Variants in RAPGEF5 observed in about 807,000 individuals in gnomAD.
RAPGEF5 encodes the protein Rap guanine nucleotide exchange factor 5.
RAPGEF5 carries 65 observed loss-of-function variants against 125.2 expected under a neutral mutation model. The ratio of observed to expected loss-of-function variants is 0.52; its 90% CI spans 0.43 to 0.64. The LOEUF (loss-of-function observed/expected upper bound fraction) is 0.64, where lower values mean the gene tolerates loss of function less well. Ranked by LOEUF, RAPGEF5 falls within the 30% of genes least tolerant of loss-of-function variation. RAPGEF5 has a pLI of 0.00. For synonymous variants in RAPGEF5, 391 were observed against 385.9 expected (o/e 1.01, Z -0.16); for missense variants, 958 against 1,048.1 (o/e 0.91, Z 1.19).
intron 9 of RAPGEF5, chr7:22,194,586 AT>A (rs894322941): frequency 1.9e-5 from 18 of 972,646 alleles, no homozygotes; most frequent in African/African-American, 5.3e-5. Flanking sequence ...ATTCAATTCA[AT>A]TTTTTTTTCA....
chr7:22,207,232 T>C (rs564531980), intron 9 of RAPGEF5, among the ~76,000 whole-genome samples: 10 of 152,308 alleles, frequency 6.6e-5, no homozygotes, highest in Admixed American at 2.6e-4. Context: ...AGCACAAGCT[T>C]TTTGGAAAGT....
At chr7:22,133,734 G>A (rs1458130441) in intron 23 of RAPGEF5, among the ~76,000 whole-genome samples, 1 of 152,098 alleles carries the variant, frequency 6.6e-6, no homozygotes, top group South Asian at 2.1e-4. Flanking sequence ...CATGAACTAC[G>A]ACTCCTTAGA....
In RAPGEF5 at chr7:22,328,935, A is replaced by T. The variant is rs1464212043; in HGVS notation, c.232-10898T>A. Among the ~76,000 whole-genome samples the T allele has an allele frequency of 2.0e-5, 3 of 152,280 alleles. No homozygotes were observed. The East Asian group carries it at 5.8e-4, about 29-fold the overall frequency. On this transcript the variant is annotated intron_variant, in intron 1 of 25. Coordinates refer to ENST00000665637, the MANE Select transcript of RAPGEF5 (RefSeq NM_012294.5). ...AACCTGATTGCCTCAAACTTACTGG[A>T]TGTATTTTTGCCTCCTCTCTAACTT...
intron 24 of RAPGEF5, among the ~76,000 whole-genome samples, chr7:22,126,257 C>T (rs1437208504): frequency 6.6e-6 from 1 of 152,224 alleles, no homozygotes; most frequent in Non-Finnish European, 1.5e-5. Context: ...CCCCAGTCAT[C>T]CTGTTCACAT....
At chr7:22,212,209 G>A (rs766243151) in intron 9 of RAPGEF5, among the ~76,000 whole-genome samples, 11 of 152,072 alleles carry the variant, frequency 7.2e-5, no homozygotes, top group Non-Finnish European at 1.3e-4. Flanking sequence ...TCTTGACCTC[G>A]TAATCCACCC....
chr7:22,273,376 G>C (rs371729537), intron 6 of RAPGEF5, among the ~76,000 whole-genome samples: 1 of 151,800 alleles, frequency 6.6e-6, no homozygotes, highest in East Asian at 1.9e-4. Context: ...CCACCACCGC[G>C]CCCGGCTAAT....
At chr7:22,234,314 G>A (rs1352949911) in intron 7 of RAPGEF5, among the ~76,000 whole-genome samples, 1 of 152,154 alleles carries the variant, frequency 6.6e-6, no homozygotes, top group Non-Finnish European at 1.5e-5. Context: ...AGATTTTTGA[G>A]TTCAATTTTT....
rs1197038355 is a variant in RAPGEF5 at position 22,357,066 on chromosome 7, G to GACGGCGCT, written c.-14_-7dup. ...GAGCCCACGGCCATCCTCATGCCCT[G>GACGGCGCT]ACGGCGCTGCGGCGCCGGGGGCTCC... On this transcript the variant is annotated 5_prime_UTR_variant, in exon 1 of 26. Coordinates refer to ENST00000665637, the MANE Select transcript of RAPGEF5 (RefSeq NM_012294.5). 1.3e-5 allele frequency: 14 copies of GACGGCGCT among 1,038,720 alleles called. No homozygotes were observed. The highest frequency in any genetic ancestry group is 1.5e-5 in the Non-Finnish European group (13 of 865,728). 64.3% of individuals were successfully genotyped at this position (1,038,720 alleles called of 1,614,324 possible).
At chr7:22,222,476 A>T (rs1184119966) in intron 8 of RAPGEF5, among the ~76,000 whole-genome samples, 1 of 152,176 alleles carries the variant, frequency 6.6e-6, no homozygotes, top group Non-Finnish European at 1.5e-5. Flanking sequence ...GGATATCCAG[A>T]AGGAAGTGTG....
At chr7:22,132,824 A>G (rs1782956128) in intron 23 of RAPGEF5, among the ~76,000 whole-genome samples, 1 of 152,198 alleles carries the variant, frequency 6.6e-6, no homozygotes, top group Non-Finnish European at 1.5e-5. Context: ...CTTTAGCTGC[A>G]TTAACTCATA....
intron 1 of RAPGEF5, 174 bp downstream of exon 1, chr7:22,356,656 G>C (rs1784426045): frequency 4.2e-6 from 1 of 240,798 alleles, no homozygotes; most frequent in East Asian, 9.0e-5. Context: ...GTCGCTCAGG[G>C]GGTGGCACCT....
intron 6 of RAPGEF5, among the ~76,000 whole-genome samples, chr7:22,287,601 A>C (rs1418649707): frequency 6.6e-6 from 1 of 152,202 alleles, no homozygotes; most frequent in Non-Finnish European, 1.5e-5. Context: ...CAAAGAGTAC[A>C]CTGGCAACTC....
chr7:22,161,743 G>A (rs1465899346), intron 13 of RAPGEF5, among the ~76,000 whole-genome samples: 1 of 152,216 alleles, frequency 6.6e-6, no homozygotes, highest in South Asian at 2.1e-4. Context: ...ATGAAAGGCT[G>A]AGTCTATTTA....
At chr7:22,332,476 A>T (rs1279179730) in intron 1 of RAPGEF5, among the ~76,000 whole-genome samples, 1 of 152,220 alleles carries the variant, frequency 6.6e-6, no homozygotes, top group Non-Finnish European at 1.5e-5. Context: ...CAAAGGTAAA[A>T]TGAGGAGTGT....
intron 25 of RAPGEF5, among the ~76,000 whole-genome samples, chr7:22,124,768 A>G (rs1782684982): frequency 6.6e-6 from 1 of 152,148 alleles, no homozygotes; most frequent in South Asian, 2.1e-4. Flanking sequence ...TCTATTTTTT[A>G]TTACCCTTTG....
At chr7:22,228,558 A>G (rs1487632252) in intron 8 of RAPGEF5, among the ~76,000 whole-genome samples, 1 of 138,872 alleles carries the variant, frequency 7.2e-6, no homozygotes, top group African/African-American at 3.4e-5. Context: ...CCCAGGCTGG[A>G]GTGCAATGGC....
In RAPGEF5 at chr7:22,145,202, C is replaced by G; in HGVS notation, c.2028G>C (p.Thr676=). 6.2e-7 allele frequency: 1 copy of G among 1,612,492 alleles called. No homozygotes were observed. Among genetic ancestry groups the G allele is most frequent in the Non-Finnish European group, 8.5e-7 (1 of 1,179,214 alleles). ...GTTCCCCACTTCCCTGTCTGCTGAA[C>G]GTGAAGTAGATCAGCTCTTGCTGAA... ...SIHEQELIYF[T]FSRQGSGEHT... The change falls in exon 20 of 26, where the codon ACG becomes ACC. Residue 676 remains threonine (T), a synonymous_variant. Transcript: ENST00000665637.
intron 5 of RAPGEF5, among the ~76,000 whole-genome samples, chr7:22,307,806 C>A (rs567721604): frequency 2.7e-4 from 41 of 152,258 alleles, no homozygotes; most frequent in African/African-American, 9.4e-4. Context: ...CATGGATAAA[C>A]AAAGTCATGT....
chr7:22,223,400 A>G (rs1785840360), intron 8 of RAPGEF5, among the ~76,000 whole-genome samples: 1 of 152,234 alleles, frequency 6.6e-6, no homozygotes, highest in Non-Finnish European at 1.5e-5. Flanking sequence ...ATAGGGACAA[A>G]AGCTTTATTA....
Sources: gnomAD v4.1 joint callset for allele counts (sites outside exome capture counted in the v4.1 genomes callset) on GRCh38, gnomAD v4.1.1 for gene constraint, MANE v1.5 for transcripts, NCBI Gene and HGNC (gene_info 2026-07-23, HGNC 2026-07-21) for gene names.